Variants in MAPKBP1 observed in about 807,000 individuals in gnomAD.
MAPKBP1 encodes the protein mitogen-activated protein kinase-binding protein 1.
In MAPKBP1, 71 loss-of-function variants were observed where a neutral mutation model predicts 170.5. That is an observed-to-expected ratio of 0.42 (90% confidence interval 0.34 to 0.51). The LOEUF is 0.51. MAPKBP1 is among the 20% of genes least tolerant of loss of function. The pLI, the probability that MAPKBP1 is intolerant of heterozygous loss-of-function variation, is 0.06. For missense variants in MAPKBP1, 1,598 were observed against 1,933.0 expected (o/e 0.83, Z 3.25); for synonymous variants, 719 against 757.9 (o/e 0.95, Z 0.84).
intron 3 of MAPKBP1, among the ~76,000 whole-genome samples, chr15:41,810,369 T>C (rs1272590117): frequency 3.3e-5 from 5 of 151,938 alleles, no homozygotes; most frequent in Non-Finnish European, 7.4e-5. Context: ...CTCATGGGGC[T>C]ACAGAGATAG....
At chr15:41,803,091 C>T (rs1369758986) in intron 3 of MAPKBP1, among the ~76,000 whole-genome samples, 1 of 152,088 alleles carries the variant, frequency 6.6e-6, no homozygotes, top group Non-Finnish European at 1.5e-5. Context: ...TTATCACCCT[C>T]ATATTTTAGA....
intron 3 of MAPKBP1, among the ~76,000 whole-genome samples, chr15:41,803,661 A>G (rs2064640791): frequency 6.6e-6 from 1 of 151,684 alleles, no homozygotes; most frequent in Admixed American, 6.6e-5. Flanking sequence ...GCTGCAGTGA[A>G]CTATGATCGT....
At chr15:41,812,162 CAG>C (rs774575150) in intron 6 of MAPKBP1, 35 bp downstream of exon 6, 65 of 1,612,322 alleles carry the variant, frequency 4.0e-5, no homozygotes, top group Non-Finnish European at 8.5e-7. Context: ...GGCAGCCTCA[CAG>C]GGGTCAAGTG....
At chr15:41,792,159 A>G (rs781254427) in intron 2 of MAPKBP1, among the ~76,000 whole-genome samples, 5 of 150,424 alleles carry the variant, frequency 3.3e-5, no homozygotes, top group African/African-American at 1.2e-4. Context: ...TTTTCCATCT[A>G]CTTTAATGAG....
Position 41,775,390 on chromosome 15 carries a change from G to A in MAPKBP1, c.114+1G>A. ...CCGACGAGAGGACCTCAGCTCCAAG[G>A]TGAGTCCTGTTGGGATCCACCTCTT... On this transcript the variant is annotated splice_donor_variant, in intron 2 of 30. Transcript: ENST00000457542. LOFTEE classifies it high-confidence loss of function. 6.2e-7 allele frequency: 1 copy of A among 1,610,926 alleles called. No homozygotes were observed. The highest frequency in any genetic ancestry group is 8.5e-7 in the Non-Finnish European group (1 of 1,177,044).
In MAPKBP1 at chr15:41,814,538, C is replaced by CT; in HGVS notation, c.981-11dup. On this transcript the variant is annotated splice_polypyrimidine_tract_variant and intron_variant, in intron 9 of 30. Transcript: ENST00000457542. ...TTCAGTCTGACCAGTGTGCCCTGTCCTCTCCCTACAGTCGCCTCTTCTCTG... is the reference window on the plus strand; with the variant it reads ...TTCAGTCTGACCAGTGTGCCCTGTCCTTCTCCCTACAGTCGCCTCTTCTCTG... The CT allele has an allele frequency of 1.2e-6, 2 of 1,613,258 alleles. No individual in the cohort carries two copies. The highest frequency in any genetic ancestry group is 1.7e-6 in the Non-Finnish European group (2 of 1,179,380).
At chr15:41,805,733 C>A (rs1202024290) in intron 3 of MAPKBP1, among the ~76,000 whole-genome samples, 1 of 152,200 alleles carries the variant, frequency 6.6e-6, no homozygotes, top group Non-Finnish European at 1.5e-5. Flanking sequence ...TCTCGTGACA[C>A]CTGAGCTGAA....
Position 41,817,498 on chromosome 15 carries a change from CG to C in MAPKBP1, c.1782+44del. On this transcript the variant is annotated intron_variant, in intron 15 of 30. Coordinates refer to ENST00000457542, the MANE Select transcript of MAPKBP1 (RefSeq NM_014994.3). The surrounding 1 kb of genome is among the most constrained non-coding windows in gnomAD (Gnocchi z 4.2). ...CTTTCCTGAGAGGGGCGGGACAGGGCGGGGTCTGCCATTCCCTGCCTAAGGT... is the reference window on the plus strand; with the variant it reads ...CTTTCCTGAGAGGGGCGGGACAGGGCGGGTCTGCCATTCCCTGCCTAAGGT... The C allele has an allele frequency of 1.5e-6, 1 of 681,822 alleles. No homozygotes were observed. Among genetic ancestry groups the C allele is most frequent in the South Asian group, 1.3e-5 (1 of 74,096 alleles). 42.2% of individuals were successfully genotyped at this position (681,822 alleles called of 1,614,324 possible).
rs768940015 is a variant in MAPKBP1 at position 41,817,615 on chromosome 15, C to T, written c.1784C>T (p.Ser595Phe). 161 of 1,614,178 alleles carry T rather than the reference C, an allele frequency of 1.0e-4. No individual in the cohort carries two copies. The highest frequency in any genetic ancestry group is 1.2e-4 in the Non-Finnish European group (146 of 1,180,026). Residue 595 changes from serine to phenylalanine, a missense_variant and splice_region_variant, in exon 16 of 31, where the codon TCT (serine) becomes TTT (phenylalanine). Around this residue, in one of 6 missense-constraint regions of MAPKBP1, gnomAD observed 430 missense variants for 617.2 expected, o/e 0.70. Transcript: ENST00000457542. This position sits in a 1 kb window ranked among gnomAD's most constrained non-coding sequence, Gnocchi z 4.2. Reference sequence around the variant, plus strand: ...TGCCCACATGCTCCACCCCTGCAGTCTGGAGATGGAGTGCAGTTCACACGG... The same window carrying T: ...TGCCCACATGCTCCACCCCTGCAGTTTGGAGATGGAGTGCAGTTCACACGG... ...KSIYFRTAQK[S>F]GDGVQFTRTH... is the part of the protein sequence containing the mutation.
Position 41,818,074 on chromosome 15 carries a change from C to G in MAPKBP1, c.1970C>G (p.Thr657Arg). Residue 657 changes from threonine to arginine, a missense_variant, in exon 17 of 31, where the codon ACA becomes AGA. Transcript: ENST00000457542. This position sits in a 1 kb window ranked among gnomAD's most constrained non-coding sequence, Gnocchi z 5.2. ...LFKGSQGEDG[T>R]LIKVQTDPSG... The stretch of plus-strand genomic sequence containing the variant: ...AAAGGGTCACAGGGTGAGGACGGCA[C>G]ACTCATTAAGGTAAGGACCCAGAGG... 6.2e-7 allele frequency: 1 copy of G among 1,614,058 alleles called. No homozygotes were observed. Among genetic ancestry groups the G allele is most frequent in the East Asian group, 2.2e-5 (1 of 44,882 alleles).
Position 41,819,631 on chromosome 15 carries a change from C to G in MAPKBP1, c.2462C>G (p.Ser821Cys). The change falls in exon 22 of 31, where the codon TCC (serine) becomes TGC (cysteine). Residue 821 changes from serine (S) to cysteine (C), a missense_variant. Ser to Cys is a moderately radical substitution (Grantham distance 112). This residue lies in a region of MAPKBP1 where 942 missense variants were observed against 953.2 expected (regional missense o/e 0.99). Transcript: ENST00000457542. The part of the protein sequence containing the change: ...VPSPALPRSL[S>C]HWEMSRAQES... ...AGCCCAGCTTTGCCCCGAAGCCTGT[C>G]CCACTGGGAGATGAGTCGGGTGAGT... 6.2e-7 allele frequency: 1 copy of G among 1,611,634 alleles called. No homozygotes were observed. The highest frequency in any genetic ancestry group is 8.5e-7 in the Non-Finnish European group (1 of 1,178,644).
intron 3 of MAPKBP1, among the ~76,000 whole-genome samples, chr15:41,803,540 C>A (rs2064638419): frequency 6.7e-6 from 1 of 150,342 alleles, no homozygotes; most frequent in Non-Finnish European, 1.5e-5. Flanking sequence ...AACCCTGTCT[C>A]TACCAAAAAG....
chr15:41,788,404 T>G (rs1039876952), intron 2 of MAPKBP1, among the ~76,000 whole-genome samples: 4 of 152,104 alleles, frequency 2.6e-5, no homozygotes, highest in East Asian at 1.9e-4. Context: ...GTAGGAGAGA[T>G]AAGACAAATC....
chr15:41,777,651 C>A (rs1484276735), intron 2 of MAPKBP1, among the ~76,000 whole-genome samples: 1 of 152,036 alleles, frequency 6.6e-6, no homozygotes, highest in Non-Finnish European at 1.5e-5. Flanking sequence ...CGCCCAGGAC[C>A]CTAGAGATGC....
rs754539553 is a variant in MAPKBP1 at position 41,823,998 on chromosome 15, C to G, written c.4150C>G (p.Pro1384Ala). The change falls in exon 29 of 31, where the codon CCT (proline) becomes GCT (alanine). Residue 1384 changes from proline (P) to alanine (A), a missense_variant. Coordinates refer to ENST00000457542, the MANE Select transcript of MAPKBP1 (RefSeq NM_014994.3). ...CCCTGAAAACTTGCAGCCCCCACCC[C>G]CTGAGAAGACTCCCAACCCCATGGA... Reference protein sequence around the residue: ...QGPENLQPPPPEKTPNPMECT... With the variant: ...QGPENLQPPPAEKTPNPMECT... The G allele has an allele frequency of 5.6e-5, 90 of 1,613,052 alleles. No homozygotes were observed. The highest frequency in any genetic ancestry group is 7.4e-5 in the Non-Finnish European group (87 of 1,180,028).
intron 3 of MAPKBP1, among the ~76,000 whole-genome samples, chr15:41,802,054 G>T (rs1207532346): frequency 6.6e-6 from 1 of 151,976 alleles, no homozygotes; most frequent in Non-Finnish European, 1.5e-5. Flanking sequence ...GTTGCGCCTG[G>T]GCTACAAACC....
intron 2 of MAPKBP1, 32 bp from the exon 3 acceptor site, chr15:41,799,791 T>G (rs750637137): frequency 6.3e-7 from 1 of 1,575,998 alleles, no homozygotes; most frequent in East Asian, 2.2e-5. Flanking sequence ...ACACTCTGTC[T>G]GTAACATGTC....
intron 27 of MAPKBP1, 44 bp downstream of exon 27, chr15:41,822,721 C>A: frequency 6.3e-7 from 1 of 1,598,966 alleles, no homozygotes. Flanking sequence ...TGGCTCTCCT[C>A]GCCTCCCAGG....
At chr15:41,795,577 A>C (rs1001290028) in intron 2 of MAPKBP1, among the ~76,000 whole-genome samples, 1 of 151,998 alleles carries the variant, frequency 6.6e-6, no homozygotes, top group Admixed American at 6.6e-5. Context: ...ACATGATTTC[A>C]TTTATATTAT....
Sources: allele counts gnomAD v4.1 joint callset (sites outside exome capture counted in the v4.1 genomes callset), GRCh38; gene constraint gnomAD v4.1.1; regional missense constraint gnomAD v4.1.1; non-coding constraint Gnocchi (gnomAD v3.1); transcripts MANE v1.5; gene names NCBI Gene and HGNC (gene_info 2026-07-23, HGNC 2026-07-21).